Variants in GHR observed in about 807,000 individuals in gnomAD.
GHR encodes the protein growth hormone receptor, also known as GH receptor.
In GHR, 35 loss-of-function variants were observed where a neutral mutation model predicts 67.1. That is an observed-to-expected ratio of 0.52 (90% CI 0.40 to 0.69). GHR has a LOEUF of 0.69. GHR is among the 30% of genes least tolerant of loss of function. The pLI, the probability that GHR is intolerant of heterozygous loss-of-function variation, is 0.00. For missense variants in GHR, 792 were observed against 764.6 expected (o/e 1.04, Z -0.42); for synonymous variants, 272 against 269.1 (o/e 1.01, Z -0.10).
At chr5:42,633,740 A>T (rs1365655004) in intron 3 of GHR, among the ~76,000 whole-genome samples, 1 of 152,186 alleles carries the variant, frequency 6.6e-6, no homozygotes, top group Non-Finnish European at 1.5e-5. Context: ...AACAGCATTC[A>T]TCTTACACAC....
At chr5:42,587,171 C>CAAACAAGTGAACAA (rs6149006) in intron 2 of GHR, among the ~76,000 whole-genome samples, 26,033 of 151,830 alleles carry the variant, frequency 0.17, 2,478 homozygotes, top group Non-Finnish European at 0.19. Flanking sequence ...ACAGTCAGGA[C>CAAACAAGTGAACAA]AAACAAGTGA....
intron 1 of GHR, among the ~76,000 whole-genome samples, chr5:42,476,978 C>T (rs554558139): frequency 1.3e-5 from 2 of 151,764 alleles, no homozygotes; most frequent in African/African-American, 2.4e-5. Flanking sequence ...GTGTGCTGCA[C>T]CCATTAACTC....
chr5:42,486,969 C>A (rs1359661840), intron 1 of GHR, among the ~76,000 whole-genome samples: 1 of 152,076 alleles, frequency 6.6e-6, no homozygotes, highest in Non-Finnish European at 1.5e-5. Flanking sequence ...GAGATAGTTT[C>A]TCCAGGAATT....
At chr5:42,483,777 G>A (rs1179513167) in intron 1 of GHR, among the ~76,000 whole-genome samples, 1 of 152,170 alleles carries the variant, frequency 6.6e-6, no homozygotes, top group Non-Finnish European at 1.5e-5. Context: ...CAGAGAAAGG[G>A]TAACTGTATG....
chr5:42,556,320 G>T lies in GHR; in HGVS notation c.-11-9544G>T, dbSNP rs192194427. 2.7e-4 allele frequency among the ~76,000 whole-genome samples: 41 copies of T among 152,194 alleles called. No homozygotes were observed. The East Asian group carries it at 6.4e-3, about 24-fold the overall frequency. ...ATTATATCTCACCAAGATAATGAAT[G>T]TTTTTGTTTGAAGACTTCACTGTAT... On this transcript the variant is annotated intron_variant, in intron 1 of 9. Coordinates refer to ENST00000230882, the MANE Select transcript of GHR (RefSeq NM_000163.5).
chr5:42,500,181 C>G, intron 1 of GHR, among the ~76,000 whole-genome samples: 1 of 152,236 alleles, frequency 6.6e-6, no homozygotes, highest in East Asian at 1.9e-4. Context: ...AGCCCTTACT[C>G]TCCTCCTTAG....
At chr5:42,468,251 C>T in intron 1 of GHR, 3 of 1,546,786 alleles carry the variant, frequency 1.9e-6, no homozygotes, top group Admixed American at 1.7e-5. Context: ...TTTTCTTCTT[C>T]CTCCTCCTCC....
At chr5:42,467,770 T>A in intron 1 of GHR, 1 of 1,534,618 alleles carries the variant, frequency 6.5e-7, no homozygotes, top group Non-Finnish European at 9.0e-7. Context: ...GTTTGCACTC[T>A]GACTAAATCC....
At chr5:42,595,826 G>A (rs1329213241) in intron 2 of GHR, among the ~76,000 whole-genome samples, 2 of 152,200 alleles carry the variant, frequency 1.3e-5, no homozygotes, top group Non-Finnish European at 2.9e-5. Flanking sequence ...ATGCAGCTGT[G>A]GAGTGAGTGA....
chr5:42,586,760 C>T (rs1751497665), intron 2 of GHR, among the ~76,000 whole-genome samples: 1 of 152,122 alleles, frequency 6.6e-6, no homozygotes, highest in Non-Finnish European at 1.5e-5. Flanking sequence ...CTCAAAGGGC[C>T]CTTCTTGCCA....
At chr5:42,548,146 GC>G in intron 1 of GHR, 1 of 984,960 alleles carries the variant, frequency 1.0e-6, no homozygotes, top group Non-Finnish European at 1.2e-6. Flanking sequence ...GATGTACTGG[GC>G]AAAGGTCAGG....
At chr5:42,563,624 C>CAAAAAAAAAAAA (rs1168788232) in intron 1 of GHR, among the ~76,000 whole-genome samples, 18 of 45,090 alleles carry the variant, frequency 4.0e-4, no homozygotes, top group Non-Finnish European at 6.1e-4. Flanking sequence ...GACTCCGTCT[C>CAAAAAAAAAAAA]AAAAAAAAAA....
rs1756336523 is a variant in GHR at position 42,671,965 on chromosome 5, A to G, written c.137-16925A>G. ...AGCAAGACTCCGTCTCAAAAAAAAA[A>G]AAAAAAAGAAACTAGGCATTGAAGG... On this transcript the variant is annotated intron_variant, in intron 3 of 9. Coordinates refer to ENST00000230882, the MANE Select transcript of GHR (RefSeq NM_000163.5). 2.0e-5 allele frequency among the ~76,000 whole-genome samples: 3 copies of G among 151,222 alleles called. No homozygotes were observed. In the South Asian group the frequency reaches 6.3e-4, roughly 32 times the overall value.
At chr5:42,459,001 G>C (rs551138486) in intron 1 of GHR, among the ~76,000 whole-genome samples, 1 of 152,136 alleles carries the variant, frequency 6.6e-6, no homozygotes, top group African/African-American at 2.4e-5. Context: ...CTGTGAGGTT[G>C]TAGAGAAAAG....
intron 1 of GHR, among the ~76,000 whole-genome samples, chr5:42,494,301 A>G (rs759894650): frequency 2.6e-4 from 39 of 152,258 alleles, no homozygotes; most frequent in Admixed American, 4.6e-4. Flanking sequence ...GGAAGAGGTC[A>G]TAAGTTCTTG....
At position 42,719,433 on chromosome 5, in the gene GHR, T is replaced by A; in HGVS notation, c.*9T>A. On this transcript the variant is annotated 3_prime_UTR_variant, in exon 10 of 10. Transcript: ENST00000230882. ...ACAAAATCATGCCTTAGCCTTTCTTTGGTTTCCCAAGAGCTACGTATTTAA... is the reference window on the plus strand; with the variant it reads ...ACAAAATCATGCCTTAGCCTTTCTTAGGTTTCCCAAGAGCTACGTATTTAA... The A allele has an allele frequency of 1.2e-6, 2 of 1,610,558 alleles. No homozygotes were observed. The highest frequency in any genetic ancestry group is 1.7e-6 in the Non-Finnish European group (2 of 1,179,354).
At chr5:42,646,302 G>A (rs1279679111) in intron 3 of GHR, 2 of 453,216 alleles carry the variant, frequency 4.4e-6, no homozygotes, top group African/African-American at 2.0e-5. Flanking sequence ...CCCAGCACAT[G>A]CCTCTCATTA....
intron 3 of GHR, among the ~76,000 whole-genome samples, chr5:42,684,419 A>G (rs11958403): frequency 3.5e-4 from 54 of 152,336 alleles, no homozygotes; most frequent in Admixed American, 9.8e-4. Context: ...CAGCATTAAA[A>G]CAGTTGTGGT....
At chr5:42,550,186 CTGAAAAAG>C (rs1226038119) in intron 1 of GHR, 1 of 501,546 alleles carries the variant, frequency 2.0e-6, no homozygotes, top group African/African-American at 2.1e-5. Context: ...ACAAGGAATA[CTGAAAAAG>C]CCCATTGGAC....
Sources: allele counts gnomAD v4.1 joint callset (sites outside exome capture counted in the v4.1 genomes callset), GRCh38; gene constraint gnomAD v4.1.1; transcripts MANE v1.5; gene names NCBI Gene and HGNC (gene_info 2026-07-23, HGNC 2026-07-21).